Variants in FERMT2 observed in about 807,000 individuals in gnomAD.
FERMT2 encodes fermitin family homolog 2.
A neutral mutation model predicts 82.7 loss-of-function variants in FERMT2; 15 were observed. That is an observed-to-expected ratio of 0.18 (90% confidence interval 0.12 to 0.28). The LOEUF (loss-of-function observed/expected upper bound fraction) is 0.28. Ranked by LOEUF, FERMT2 falls within the 10% of genes least tolerant of loss-of-function variation. The pLI is 1.00. For synonymous variants in FERMT2, 274 were observed against 271.5 expected (o/e 1.01, Z -0.09); for missense variants, 645 against 809.4 (o/e 0.80, Z 2.46).
intron 4 of FERMT2, among the ~76,000 whole-genome samples, chr14:52,889,477 G>GT (rs1886805621): frequency 6.6e-6 from 1 of 152,302 alleles, no homozygotes; most frequent in East Asian, 1.9e-4. Context: ...GTAAGAATTG[G>GT]TAAGGATGCT....
chr14:52,890,213 G>C (rs534540528), intron 4 of FERMT2, among the ~76,000 whole-genome samples: 3 of 151,476 alleles, frequency 2.0e-5, no homozygotes, highest in Non-Finnish European at 4.4e-5. Context: ...CAGGTGGATC[G>C]ATCATGAGGT....
chr14:52,950,312 C>G, intron 2 of FERMT2, 100 bp downstream of exon 2: 1 of 1,245,274 alleles, frequency 8.0e-7, no homozygotes, highest in Admixed American at 2.0e-5. Context: ...TGCGAGATGC[C>G]AAGATTTCTC....
At chr14:52,885,724 A>G (rs185820905) in intron 4 of FERMT2, among the ~76,000 whole-genome samples, 50 of 152,330 alleles carry the variant, frequency 3.3e-4, no homozygotes, top group Non-Finnish European at 5.4e-4. Flanking sequence ...TAACACAGTA[A>G]AATTTACCTA....
At chr14:52,945,539 C>T (rs1257121857) in intron 2 of FERMT2, among the ~76,000 whole-genome samples, 1 of 152,084 alleles carries the variant, frequency 6.6e-6, no homozygotes, top group Non-Finnish European at 1.5e-5. Context: ...CAGGCGTGAG[C>T]CACCACTCCC....
chr14:52,909,520 G>T (rs1453375634), intron 3 of FERMT2, among the ~76,000 whole-genome samples: 1 of 152,178 alleles, frequency 6.6e-6, no homozygotes, highest in Non-Finnish European at 1.5e-5. Flanking sequence ...GGGCATGGTG[G>T]CTAATGCGTG....
At chr14:52,902,404 CAAA>C (rs66918916) in intron 3 of FERMT2, among the ~76,000 whole-genome samples, 2 of 146,512 alleles carry the variant, frequency 1.4e-5, no homozygotes, top group Non-Finnish European at 3.0e-5. Flanking sequence ...AAAACAAAAA[CAAA>C]AAAAAAAGAG....
At chr14:52,924,275 T>C (rs1282735233) in intron 2 of FERMT2, among the ~76,000 whole-genome samples, 1 of 152,134 alleles carries the variant, frequency 6.6e-6, no homozygotes, top group Non-Finnish European at 1.5e-5. Flanking sequence ...CAGTGCATGG[T>C]TTAGGTGTTA....
intron 3 of FERMT2, among the ~76,000 whole-genome samples, chr14:52,900,775 T>C (rs993483539): frequency 2.0e-5 from 3 of 152,130 alleles, no homozygotes; most frequent in Non-Finnish European, 2.9e-5. Flanking sequence ...GTTCCATTAC[T>C]GAATTAAACT....
intron 8 of FERMT2, among the ~76,000 whole-genome samples, 181 bp downstream of exon 8, chr14:52,875,042 G>A (rs1045516286): frequency 3.9e-5 from 6 of 152,108 alleles, no homozygotes; most frequent in East Asian, 1.9e-4. Flanking sequence ...GCAACAGAAC[G>A]AGACCCTGTC....
intron 6 of FERMT2, 102 bp from the exon 7 acceptor site, chr14:52,878,791 T>C (rs1886122739): frequency 3.6e-6 from 2 of 563,320 alleles, no homozygotes; most frequent in Non-Finnish European, 6.0e-6. Flanking sequence ...ATGCTTTTTT[T>C]CCTGGGATCT....
At chr14:52,945,752 G>T (rs751652915) in intron 2 of FERMT2, among the ~76,000 whole-genome samples, 4 of 152,136 alleles carry the variant, frequency 2.6e-5, no homozygotes, top group Admixed American at 1.3e-4. Context: ...GCTGGCTGGA[G>T]ATTTCCATTC....
chr14:52,949,991 T>C (rs995893905), intron 2 of FERMT2, among the ~76,000 whole-genome samples: 2 of 152,210 alleles, frequency 1.3e-5, no homozygotes, highest in African/African-American at 2.4e-5. Flanking sequence ...AAATGGATTT[T>C]GCATCATTCT....
intron 4 of FERMT2, chr14:52,881,678 T>A: frequency 1.0e-6 from 1 of 980,788 alleles, no homozygotes; most frequent in African/African-American, 1.6e-5. Context: ...CTTAAGAATA[T>A]AATTAAGTTG....
At chr14:52,902,181 T>C (rs1171784996) in intron 3 of FERMT2, among the ~76,000 whole-genome samples, 1 of 151,886 alleles carries the variant, frequency 6.6e-6, no homozygotes, top group African/African-American at 2.4e-5. Flanking sequence ...TCACTTGAGG[T>C]CAGGAATTCA....
chr14:52,941,294 A>G (rs1427024423), intron 2 of FERMT2, among the ~76,000 whole-genome samples: 3 of 152,196 alleles, frequency 2.0e-5, no homozygotes, highest in African/African-American at 7.2e-5. Flanking sequence ...GTTTGAGGCG[A>G]TGAGACGGTT....
chr14:52,934,634 G>A (rs947071712), intron 2 of FERMT2, among the ~76,000 whole-genome samples: 1 of 152,138 alleles, frequency 6.6e-6, no homozygotes, highest in Non-Finnish European at 1.5e-5. Context: ...TATCATGTAT[G>A]TAAGTTTACC....
rs58166565 is a variant in FERMT2, at chr14:52,858,233, C to T, written c.*144G>A. 2,678 of 655,022 alleles carry T rather than the reference C, an allele frequency of 4.1e-3. 57 individuals carry two copies. The African/African-American group carries it at 0.043, about 10-fold the overall frequency. The allele number at this position is 655,022 out of a possible 1,614,324, so 40.6% of individuals were successfully genotyped here. ...TTAATAGTCGTGCTTGTTTAGTGCACATATTAACTGGTCTGGTAAGGCAAA... is the reference window on the plus strand; with the variant it reads ...TTAATAGTCGTGCTTGTTTAGTGCATATATTAACTGGTCTGGTAAGGCAAA... On this transcript the variant is annotated 3_prime_UTR_variant, in exon 15 of 15. Coordinates refer to ENST00000341590, the MANE Select transcript of FERMT2 (RefSeq NM_006832.3).
intron 3 of FERMT2, among the ~76,000 whole-genome samples, chr14:52,914,271 G>A (rs1888491971): frequency 6.6e-6 from 1 of 152,034 alleles, no homozygotes; most frequent in Non-Finnish European, 1.5e-5. Context: ...TTGGGAGGCT[G>A]AGGCAGGAGG....
chr14:52,934,287 A>G (rs1289556434), intron 2 of FERMT2, among the ~76,000 whole-genome samples: 1 of 152,258 alleles, frequency 6.6e-6, no homozygotes, highest in Non-Finnish European at 1.5e-5. Context: ...ATAAATGTAC[A>G]TATGGAAATG....
Sources: allele counts gnomAD v4.1 joint callset (sites outside exome capture counted in the v4.1 genomes callset), GRCh38; gene constraint gnomAD v4.1.1; transcripts MANE v1.5; gene names NCBI Gene and HGNC (gene_info 2026-07-23, HGNC 2026-07-21).